HECW1: variants seen among roughly 807,000 people sequenced by gnomAD.
HECW1 encodes E3 ubiquitin-protein ligase HECW1.
In HECW1, 61 loss-of-function variants were observed where a neutral mutation model predicts 182.3. The observed-to-expected ratio is 0.33, with a 90% CI of 0.27 to 0.41. The LOEUF (loss-of-function observed/expected upper bound fraction) is 0.41, where lower values mean the gene tolerates loss of function less well. HECW1 is among the 10% of genes least tolerant of loss of function. The pLI, the probability that HECW1 is intolerant of heterozygous loss-of-function variation, is 1.00. For missense variants in HECW1, 1,739 were observed against 2,108.9 expected, an observed-to-expected ratio of 0.82 and a Z score of 3.44; for synonymous variants, 859 against 832.6, an observed-to-expected ratio of 1.03 and a Z score of -0.55.
chr7:43,223,656 T>G (rs1797182289), intron 2 of HECW1, among the ~76,000 whole-genome samples: 2 of 152,032 alleles, frequency 1.3e-5, no homozygotes, highest in Non-Finnish European at 2.9e-5. Context: ...GTCACTTCTC[T>G]GTTCAAATCC....
intron 8 of HECW1, among the ~76,000 whole-genome samples, chr7:43,420,063 A>G (rs528228538): frequency 6.6e-6 from 1 of 152,362 alleles, no homozygotes; most frequent in South Asian, 2.1e-4. Context: ...AGGAAGAGGA[A>G]CAGGCTATGA....
chr7:43,466,810 A>G (rs2077799672), intron 15 of HECW1, among the ~76,000 whole-genome samples: 1 of 152,224 alleles, frequency 6.6e-6, no homozygotes, highest in Non-Finnish European at 1.5e-5. Context: ...AATGTCAGTG[A>G]AAGTGCTTTG....
intron 17 of HECW1, among the ~76,000 whole-genome samples, chr7:43,488,476 GAA>G (rs1231474935): frequency 6.8e-6 from 1 of 147,506 alleles, no homozygotes; most frequent in African/African-American, 2.6e-5. Flanking sequence ...AAGAAAGAAA[GAA>G]AGAAAGAAAG....
intron 23 of HECW1, 63 bp downstream of exon 23, chr7:43,508,194 G>A: frequency 9.0e-7 from 1 of 1,106,744 alleles, no homozygotes; most frequent in Non-Finnish European, 1.4e-6. Context: ...TCAGGGTCAG[G>A]GGTGATTTTT....
intron 8 of HECW1, 65 bp downstream of exon 8, chr7:43,407,796 C>T (rs1032331725): frequency 2.6e-5 from 36 of 1,405,978 alleles, no homozygotes; most frequent in Non-Finnish European, 3.2e-5. Flanking sequence ...TGAACCAGCC[C>T]TCCTCCTTCC....
intron 2 of HECW1, among the ~76,000 whole-genome samples, chr7:43,147,248 T>TTG (rs752586594): frequency 3.9e-5 from 6 of 152,052 alleles, no homozygotes; most frequent in Non-Finnish European, 8.8e-5. Flanking sequence ...TAGTTTTGTT[T>TTG]TTTTTTAACA....
At chr7:43,410,595 T>C (rs1460493897) in intron 8 of HECW1, among the ~76,000 whole-genome samples, 3 of 152,234 alleles carry the variant, frequency 2.0e-5, no homozygotes, top group Non-Finnish European at 4.4e-5. Context: ...TGTCTGTGTA[T>C]AATTATTATT....
In HECW1 at chr7:43,400,453, A is replaced by G. The variant is rs2075367943; in HGVS notation, c.631+3564A>G. ...CATGACATGCTCGTAGGTAAACAAC[A>G]GAAATTTTGACTTGAACAATGTGTG... On this transcript the variant is annotated intron_variant, in intron 7 of 29. Transcript: ENST00000395891. Among the ~76,000 whole-genome samples the G allele has an allele frequency of 3.9e-5, 6 of 152,206 alleles. No homozygotes were observed. The South Asian group carries it at 1.2e-3, about 32-fold the overall frequency.
chr7:43,301,874 C>CAA (rs202061205), intron 3 of HECW1, among the ~76,000 whole-genome samples: 438 of 119,016 alleles, frequency 3.7e-3, no homozygotes, highest in Middle Eastern at 4.8e-3. Flanking sequence ...GAAACTCTGT[C>CAA]AAAAAAAAAA....
At chr7:43,221,536 G>GT (rs1796944557) in intron 2 of HECW1, among the ~76,000 whole-genome samples, 1 of 79,848 alleles carries the variant, frequency 1.3e-5, no homozygotes, top group Non-Finnish European at 2.7e-5. Context: ...AGAGGAATTA[G>GT]GTTTTTTTTT....
At chr7:43,176,797 C>T (rs1453658988) in intron 2 of HECW1, among the ~76,000 whole-genome samples, 1 of 152,176 alleles carries the variant, frequency 6.6e-6, no homozygotes, top group Non-Finnish European at 1.5e-5. Context: ...CACATTCAAA[C>T]CATACCACTA....
chr7:43,501,096 CT>C, intron 20 of HECW1, 116 bp from the exon 21 acceptor site: 1 of 624,886 alleles, frequency 1.6e-6, no homozygotes, highest in Non-Finnish European at 2.8e-6. Flanking sequence ...AATCTAATTG[CT>C]TTTGTTGCTT....
chr7:43,461,637 CA>C (rs938397256), intron 13 of HECW1, among the ~76,000 whole-genome samples: 14 of 152,302 alleles, frequency 9.2e-5, no homozygotes, highest in Non-Finnish European at 1.8e-4. Flanking sequence ...GAGAAGATCA[CA>C]GAGTGCCATC....
rs1053816161 is a variant in HECW1 at position 43,445,249 on chromosome 7, T to C, written c.2077T>C (p.Tyr693His). 3.7e-6 allele frequency: 6 copies of C among 1,612,324 alleles called. No homozygotes were observed. The highest frequency in any genetic ancestry group is 2.7e-5 in the African/African-American group (2 of 74,898). ...CTCCTCGTGCTACAGCACGTCCTGCTACAGCAGCTCGTGCTACAGCGCCTC... is the reference window on the plus strand; with the variant it reads ...CTCCTCGTGCTACAGCACGTCCTGCCACAGCAGCTCGTGCTACAGCGCCTC... ...YSSSCYSTSC[Y>H]SSSCYSASCY... Residue 693 changes from tyrosine (Y) to histidine (H), a missense_variant, in exon 11 of 30, where the codon TAC becomes CAC. Coordinates refer to ENST00000395891, the MANE Select transcript of HECW1 (RefSeq NM_015052.5).
At chr7:43,318,851 C>T (rs1010889561) in intron 4 of HECW1, among the ~76,000 whole-genome samples, 8 of 152,232 alleles carry the variant, frequency 5.3e-5, no homozygotes, top group Admixed American at 5.2e-4. Context: ...CCTCCAGCCC[C>T]TACGGTGGAT....
intron 6 of HECW1, among the ~76,000 whole-genome samples, chr7:43,391,549 C>G (rs1453807931): frequency 2.0e-5 from 3 of 152,138 alleles, no homozygotes; most frequent in Admixed American, 6.6e-5. Flanking sequence ...TTCCCCAGCC[C>G]CTTTGTTGGG....
intron 6 of HECW1, among the ~76,000 whole-genome samples, chr7:43,379,282 T>C (rs1047596953): frequency 6.6e-6 from 1 of 152,204 alleles, no homozygotes; most frequent in Middle Eastern, 3.4e-3. Flanking sequence ...ACACCTAGAG[T>C]GCCCTTCCCT....
intron 29 of HECW1, among the ~76,000 whole-genome samples, chr7:43,559,744 G>A (rs1485388169): frequency 6.6e-6 from 1 of 152,216 alleles, no homozygotes; most frequent in Non-Finnish European, 1.5e-5. Flanking sequence ...AATGAGGTAA[G>A]CAGGCACTCG....
chr7:43,173,742 A>G (rs1221174567), intron 2 of HECW1, among the ~76,000 whole-genome samples: 1 of 152,206 alleles, frequency 6.6e-6, no homozygotes, highest in African/African-American at 2.4e-5. Flanking sequence ...AAACAGGCCA[A>G]GGACCACTAT....
Sources: gnomAD v4.1 joint callset for allele counts (sites outside exome capture counted in the v4.1 genomes callset) on GRCh38, gnomAD v4.1.1 for gene constraint, MANE v1.5 for transcripts, NCBI Gene and HGNC (gene_info 2026-07-23, HGNC 2026-07-21) for gene names.